PACSIN2: variants seen among roughly 807,000 people sequenced by gnomAD.
The protein encoded by PACSIN2 is protein kinase C and casein kinase substrate in neurons 2.
In PACSIN2, 25 loss-of-function variants were observed where a neutral mutation model predicts 63.8. The observed-to-expected ratio is 0.39, with a 90% CI of 0.29 to 0.55. PACSIN2 has a LOEUF of 0.55. Ranked by LOEUF, PACSIN2 falls within the 20% of genes least tolerant of loss-of-function variation. The pLI is 0.62. For missense variants in PACSIN2, 518 were observed against 646.9 expected (o/e 0.80, Z 2.16); for synonymous variants, 255 against 256.2 (o/e 1.00, Z 0.05).
chr22:42,890,544 C>A (rs1327731305), intron 4 of PACSIN2, among the ~76,000 whole-genome samples: 1 of 151,928 alleles, frequency 6.6e-6, no homozygotes, highest in African/African-American at 2.4e-5. Context: ...ATGGTGAAAC[C>A]CCGTCTCTAC....
At chr22:43,007,434 T>G (rs1319349548) in intron 1 of PACSIN2, among the ~76,000 whole-genome samples, 1 of 152,140 alleles carries the variant, frequency 6.6e-6, no homozygotes, top group African/African-American at 2.4e-5. Context: ...CAGGCTGGTC[T>G]CAAACTCCTG....
At chr22:42,911,750 A>G (rs1324202093) in intron 2 of PACSIN2, among the ~76,000 whole-genome samples, 1 of 152,256 alleles carries the variant, frequency 6.6e-6, no homozygotes, top group East Asian at 1.9e-4. Flanking sequence ...GTGATCCCCA[A>G]GACCTTTCAT....
At chr22:42,897,383 A>C (rs1385033056) in intron 2 of PACSIN2, among the ~76,000 whole-genome samples, 1 of 152,228 alleles carries the variant, frequency 6.6e-6, no homozygotes, top group East Asian at 1.9e-4. Context: ...CTGCTCTATC[A>C]GTTTTGTAAT....
chr22:43,012,649 A>G (rs1272011276), intron 1 of PACSIN2, among the ~76,000 whole-genome samples: 1 of 150,992 alleles, frequency 6.6e-6, no homozygotes, highest in Non-Finnish European at 1.5e-5. Context: ...ACTACGCCAG[A>G]CTAATTTTTT....
At chr22:42,939,452 T>C (rs1933050519) in intron 1 of PACSIN2, among the ~76,000 whole-genome samples, 1 of 152,086 alleles carries the variant, frequency 6.6e-6, no homozygotes, top group African/African-American at 2.4e-5. Flanking sequence ...GTCTAAAGAT[T>C]TGAAAGAAGA....
intron 1 of PACSIN2, among the ~76,000 whole-genome samples, chr22:42,977,522 A>T (rs1358768397): frequency 2.0e-5 from 3 of 152,260 alleles, no homozygotes. Context: ...AATTAAGACT[A>T]TAATACCATT....
intron 1 of PACSIN2, among the ~76,000 whole-genome samples, chr22:42,915,707 A>C (rs1289066352): frequency 6.6e-6 from 1 of 152,230 alleles, no homozygotes; most frequent in African/African-American, 2.4e-5. Flanking sequence ...TAGGAAGACA[A>C]ATCTTTTTAT....
chr22:42,967,832 G>T (rs1162527811), intron 1 of PACSIN2, among the ~76,000 whole-genome samples: 1 of 152,180 alleles, frequency 6.6e-6, no homozygotes. Context: ...AGTTTGCAGT[G>T]AGCCGAGATC....
intron 4 of PACSIN2, among the ~76,000 whole-genome samples, chr22:42,889,262 C>T (rs1181459927): frequency 6.6e-6 from 1 of 151,852 alleles, no homozygotes; most frequent in Non-Finnish European, 1.5e-5. Context: ...CATGCCAGGC[C>T]GCAGGATCGG....
intron 2 of PACSIN2, among the ~76,000 whole-genome samples, chr22:42,898,452 G>A (rs921843357): frequency 6.6e-6 from 1 of 151,968 alleles, no homozygotes; most frequent in Non-Finnish European, 1.5e-5. Flanking sequence ...TGTATTTTTA[G>A]TAGAGACGGG....
At chr22:42,987,273 G>A (rs1346286951) in intron 1 of PACSIN2, among the ~76,000 whole-genome samples, 2 of 151,844 alleles carry the variant, frequency 1.3e-5, no homozygotes, top group Non-Finnish European at 2.9e-5. Flanking sequence ...CTAACCTTGG[G>A]TACCCCAACA....
chr22:42,891,282 A>C, intron 3 of PACSIN2, 100 bp from the exon 4 acceptor site: 1 of 716,270 alleles, frequency 1.4e-6, no homozygotes, highest in Non-Finnish European at 2.3e-6. Flanking sequence ...TAGACCACAG[A>C]GGGTTTCCTT....
Position 42,935,983 on chromosome 22 carries a change from G to C in PACSIN2, c.-77-23826C>G, listed in dbSNP as rs555012636. Among the ~76,000 whole-genome samples the C allele has an allele frequency of 4.6e-5, 7 of 152,110 alleles. No individual in the cohort carries two copies. The South Asian group carries it at 1.5e-3, about 32-fold the overall frequency. On this transcript the variant is annotated intron_variant, in intron 1 of 10. Coordinates refer to ENST00000263246, the MANE Select transcript of PACSIN2 (RefSeq NM_001184970.3). ...AATCCCAGCACTTTGGGAGGCCGAGGTGGGTGAATCACAAGGTCAGGAGAT... is the reference window on the plus strand; with the variant it reads ...AATCCCAGCACTTTGGGAGGCCGAGCTGGGTGAATCACAAGGTCAGGAGAT...
At chr22:42,920,690 T>C (rs1569273006) in intron 1 of PACSIN2, among the ~76,000 whole-genome samples, 1 of 151,366 alleles carries the variant, frequency 6.6e-6, no homozygotes, top group Non-Finnish European at 1.5e-5. Flanking sequence ...AAAACGCCAG[T>C]GCTGGAGACA....
chr22:42,989,672 C>A (rs1054782146), intron 1 of PACSIN2, among the ~76,000 whole-genome samples: 15 of 151,822 alleles, frequency 9.9e-5, no homozygotes, highest in African/African-American at 3.6e-4. Context: ...GTGGTGGGTG[C>A]CTGTAGTCCC....
intron 1 of PACSIN2, among the ~76,000 whole-genome samples, chr22:42,971,847 T>G (rs1174096459): frequency 6.7e-5 from 8 of 119,564 alleles, no homozygotes; most frequent in African/African-American, 2.3e-4. Flanking sequence ...GGGAGGGAGG[T>G]GGGGGGCAGC....
In PACSIN2 at chr22:42,871,728, CCACT is replaced by C. The variant is rs1464493982; in HGVS notation, c.1349-263_1349-260del. Among the ~76,000 whole-genome samples, 1 of 152,220 alleles carries C rather than the reference CCACT, an allele frequency of 6.6e-6. No homozygotes were observed. The highest frequency in any genetic ancestry group is 1.5e-5 in the Non-Finnish European group (1 of 68,026). On this transcript the variant is annotated intron_variant, in intron 10 of 10. Transcript: ENST00000263246. This position sits in a 1 kb window ranked among gnomAD's most constrained non-coding sequence, Gnocchi z 5.4. ...CTGCTCTCAGCTGCCACAGTGGCTC[CCACT>C]GAGACTGCGGCATCCAGCTCCATAG...
intron 2 of PACSIN2, among the ~76,000 whole-genome samples, chr22:42,904,377 G>T (rs1444569800): frequency 6.6e-6 from 1 of 152,236 alleles, no homozygotes; most frequent in South Asian, 2.1e-4. Context: ...CCCAGCAAGT[G>T]GCAGGAATTT....
chr22:42,870,366 G>A lies in PACSIN2; in HGVS notation c.*991C>T, dbSNP rs568488281. 1 of 152,290 alleles carries A rather than the reference G, an allele frequency of 6.6e-6. No individual in the cohort carries two copies. Among genetic ancestry groups the A allele is most frequent in the African/African-American group, 2.4e-5 (1 of 41,552 alleles). 9.4% of individuals were successfully genotyped at this position (152,290 alleles called of 1,614,324 possible). A position where few individuals can be genotyped will look rare whatever the true frequency, so the allele number is the denominator to read the frequency against. On this transcript the variant is annotated 3_prime_UTR_variant, in exon 11 of 11. Transcript: ENST00000263246. ...CAGCCGGCCAGCCAGACGTGTGCCT[G>A]AATGCCACAGACTTCAAGCAGTTTA...
Sources: gnomAD v4.1 joint callset for allele counts (sites outside exome capture counted in the v4.1 genomes callset) on GRCh38, gnomAD v4.1.1 for gene constraint, Gnocchi (gnomAD v3.1) non-coding constraint, MANE v1.5 for transcripts, NCBI Gene and HGNC (gene_info 2026-07-23, HGNC 2026-07-21) for gene names.